The following RAD51B variants were observed in gnomAD, a reference collection of about 807,000 sequenced individuals.
RAD51B encodes RAD51 paralog B, also known as DNA repair protein RAD51 homolog 2.
Under a neutral mutation model 42.2 loss-of-function variants are expected in RAD51B, and 38 were observed. That is an observed-to-expected ratio of 0.90 (90% confidence interval 0.70 to 1.18). RAD51B has a LOEUF of 1.18. RAD51B is among the 50% of genes most tolerant of loss of function. The pLI is 0.00. For missense variants in RAD51B, 373 were observed against 400.7 expected (o/e 0.93, Z 0.59); for synonymous variants, 154 against 145.2 (o/e 1.06, Z -0.43).
At chr14:68,617,416 T>C (rs1891848221) in intron 10 of RAD51B, among the ~76,000 whole-genome samples, 2 of 152,216 alleles carry the variant, frequency 1.3e-5, no homozygotes, top group African/African-American at 4.8e-5. Context: ...CCATGTGAAC[T>C]CTGAAATTTT....
At chr14:68,320,798 T>C (rs1198840126) in intron 8 of RAD51B, among the ~76,000 whole-genome samples, 2 of 152,214 alleles carry the variant, frequency 1.3e-5, no homozygotes, top group Non-Finnish European at 2.9e-5. Flanking sequence ...GCCACAGTTG[T>C]TGACTGTGAA....
At chr14:67,858,056 A>G (rs1333575491) in intron 4 of RAD51B, 2 of 152,404 alleles carry the variant, frequency 1.3e-5, no homozygotes, top group Non-Finnish European at 2.9e-5. Flanking sequence ...GGAGGCACCC[A>G]GGTAAGGGTG....
At chr14:68,272,407 A>G (rs1219478352) in intron 7 of RAD51B, among the ~76,000 whole-genome samples, 1 of 151,888 alleles carries the variant, frequency 6.6e-6, no homozygotes, top group African/African-American at 2.4e-5. Flanking sequence ...ATTCTGCTGT[A>G]TGACCCTGAC....
rs75664823 is a variant in RAD51B, at chr14:68,168,666, G to A, written c.757-123218G>A. Among the ~76,000 whole-genome samples the A allele has an allele frequency of 4.9e-3, 743 of 152,230 alleles. 18 individuals are homozygous for A. The East Asian group carries it at 0.067, about 14-fold the overall frequency. The stretch of plus-strand genomic sequence containing the variant: ...CTTTTCAAACCAAGATGTTGATAAA[G>A]AGGTCTATAAATCTTAATAGTTGGA... On this transcript the variant is annotated intron_variant, in intron 7 of 10. Transcript: ENST00000471583.
intron 10 of RAD51B, among the ~76,000 whole-genome samples, chr14:68,585,334 C>T (rs976871447): frequency 1.3e-5 from 2 of 152,174 alleles, no homozygotes; most frequent in South Asian, 4.1e-4. Context: ...GCAGGGAGGC[C>T]GGCTCCTTTT....
intron 8 of RAD51B, among the ~76,000 whole-genome samples, chr14:68,410,583 G>A (rs894776788): frequency 6.6e-6 from 1 of 152,056 alleles, no homozygotes; most frequent in Non-Finnish European, 1.5e-5. Flanking sequence ...GGGGTTCAGA[G>A]GAGGCCTCGG....
chr14:67,925,980 T>G (rs1263806712), intron 7 of RAD51B, among the ~76,000 whole-genome samples: 1 of 152,170 alleles, frequency 6.6e-6, no homozygotes, highest in Admixed American at 6.5e-5. Flanking sequence ...ACAGGGACCC[T>G]GGGCCCAGCC....
intron 10 of RAD51B, among the ~76,000 whole-genome samples, chr14:68,577,937 A>C (rs908659605): frequency 1.3e-5 from 2 of 152,232 alleles, no homozygotes. Flanking sequence ...ACTGCTTTAT[A>C]GGATTTCATG....
chr14:68,596,277 A>G (rs1192984450), downstream of RAD51B, among the ~76,000 whole-genome samples: 2 of 151,584 alleles, frequency 1.3e-5, no homozygotes, highest in African/African-American at 2.4e-5. Flanking sequence ...TTTTTTTCTA[A>G]TCAGTAATGA....
chr14:68,628,110 C>G (rs993651631), intron 10 of RAD51B, among the ~76,000 whole-genome samples: 1 of 152,208 alleles, frequency 6.6e-6, no homozygotes, highest in East Asian at 1.9e-4. Flanking sequence ...CCGAAGATGG[C>G]GCATCTTCCA....
At chr14:68,179,145 A>C (rs763230550) in intron 7 of RAD51B, among the ~76,000 whole-genome samples, 8 of 152,164 alleles carry the variant, frequency 5.3e-5, no homozygotes, top group Non-Finnish European at 1.0e-4. Context: ...AACTGCTTTC[A>C]TTATGTGTGA....
intron 10 of RAD51B, among the ~76,000 whole-genome samples, chr14:68,583,692 C>T (rs1264733557): frequency 6.6e-6 from 1 of 152,144 alleles, no homozygotes; most frequent in African/African-American, 2.4e-5. Flanking sequence ...GTGCAAGCTC[C>T]GCAGTGCCCT....
chr14:68,044,630 C>T (rs907724875), intron 7 of RAD51B, among the ~76,000 whole-genome samples: 3 of 151,818 alleles, frequency 2.0e-5, no homozygotes, highest in Non-Finnish European at 4.4e-5. Context: ...TTATGTTTTT[C>T]TTCTTCTTAA....
At chr14:68,069,355 G>T (rs10151115) in intron 7 of RAD51B, among the ~76,000 whole-genome samples, 1 of 151,924 alleles carries the variant, frequency 6.6e-6, no homozygotes, top group Non-Finnish European at 1.5e-5. Context: ...TGTCACAGGG[G>T]TTTTGTGTAC....
chr14:68,281,605 G>A (rs2081320624), intron 7 of RAD51B, among the ~76,000 whole-genome samples: 1 of 152,168 alleles, frequency 6.6e-6, no homozygotes, highest in Non-Finnish European at 1.5e-5. Context: ...CCCTCACTCT[G>A]CATTGAGGAT....
chr14:68,178,209 G>C (rs897098237), intron 7 of RAD51B, among the ~76,000 whole-genome samples: 1 of 152,114 alleles, frequency 6.6e-6, no homozygotes, highest in Non-Finnish European at 1.5e-5. Flanking sequence ...TGTTTAGCCT[G>C]TGGACCTATT....
At chr14:67,944,048 A>G (rs1323763558) in intron 7 of RAD51B, among the ~76,000 whole-genome samples, 1 of 152,188 alleles carries the variant, frequency 6.6e-6, no homozygotes, top group Non-Finnish European at 1.5e-5. Context: ...CAGACACAGT[A>G]GATGGCGCTG....
chr14:68,098,595 A>G (rs2077236002), intron 7 of RAD51B, among the ~76,000 whole-genome samples: 1 of 152,180 alleles, frequency 6.6e-6, no homozygotes, highest in Non-Finnish European at 1.5e-5. Context: ...GAAACCCCTG[A>G]TAAACCCATC....
At chr14:68,619,649 CAGG>C (rs560916588) in intron 10 of RAD51B, among the ~76,000 whole-genome samples, 43 of 152,180 alleles carry the variant, frequency 2.8e-4, no homozygotes, top group African/African-American at 9.6e-4. Flanking sequence ...AATCCATGAG[CAGG>C]AGGAGTCAAA....
Sources: allele counts gnomAD v4.1 joint callset (sites outside exome capture counted in the v4.1 genomes callset), GRCh38; gene constraint gnomAD v4.1.1; transcripts MANE v1.5; gene names NCBI Gene and HGNC (gene_info 2026-07-23, HGNC 2026-07-21).